The following PCDH15 variants were observed in gnomAD, a reference collection of about 807,000 sequenced individuals.
The protein encoded by PCDH15 is protocadherin related 15.
In PCDH15, 129 loss-of-function variants were observed where a neutral mutation model predicts 178.5. That is an observed-to-expected ratio of 0.72 (90% CI 0.63 to 0.84). The LOEUF (loss-of-function observed/expected upper bound fraction) is 0.84, where lower values mean the gene tolerates loss of function less well. PCDH15 is among the 40% of genes least tolerant of loss of function. PCDH15 has a pLI of 0.00. For missense variants in PCDH15, 2,230 were observed against 2,099.9 expected, an observed-to-expected ratio of 1.06 and a Z score of -1.21; for synonymous variants, 800 against 732.0, an observed-to-expected ratio of 1.09 and a Z score of -1.50.
At chr10:54,131,669 C>T (rs1347220852) in intron 15 of PCDH15, among the ~76,000 whole-genome samples, 1 of 152,108 alleles carries the variant, frequency 6.6e-6, no homozygotes, top group African/African-American at 2.4e-5. Flanking sequence ...AGAGTAGAGA[C>T]ACAAAGTAGT....
chr10:54,012,007 G>A (rs564319067), intron 20 of PCDH15, among the ~76,000 whole-genome samples: 2 of 152,260 alleles, frequency 1.3e-5, no homozygotes, highest in South Asian at 4.1e-4. Flanking sequence ...GAATCAGGGA[G>A]GAAGTCAAAA....
chr10:53,825,476 A>G, intron 32 of PCDH15, among the ~76,000 whole-genome samples: 1 of 151,806 alleles, frequency 6.6e-6, no homozygotes, highest in African/African-American at 2.4e-5. Flanking sequence ...GAGTTTAAAA[A>G]TTGCTTCTAT....
At chr10:54,514,659 A>T (rs1274248903) in intron 3 of PCDH15, among the ~76,000 whole-genome samples, 2 of 130,338 alleles carry the variant, frequency 1.5e-5, no homozygotes, top group Non-Finnish European at 3.2e-5. Flanking sequence ...GGGATTCAAA[A>T]TAGACTTCAA....
intron 9 of PCDH15, among the ~76,000 whole-genome samples, chr10:54,219,113 A>AC (rs1564710789): frequency 2.1e-4 from 31 of 149,008 alleles, no homozygotes; most frequent in African/African-American, 7.4e-4. Context: ...AAAAACAAAA[A>AC]AAAAACAAAA....
chr10:54,507,908 A>G (rs2081307291), intron 3 of PCDH15, among the ~76,000 whole-genome samples: 1 of 152,022 alleles, frequency 6.6e-6, no homozygotes, highest in Admixed American at 6.6e-5. Flanking sequence ...TAGCACAAAT[A>G]TTATGTTTAA....
chr10:54,577,592 G>A (rs887201085), intron 2 of PCDH15, among the ~76,000 whole-genome samples: 7 of 151,810 alleles, frequency 4.6e-5, no homozygotes, highest in Admixed American at 6.6e-5. Flanking sequence ...ATCACTCCAC[G>A]AAAATCCAGA....
At chr10:53,969,821 C>T (rs973927272) in intron 21 of PCDH15, among the ~76,000 whole-genome samples, 10 of 152,112 alleles carry the variant, frequency 6.6e-5, no homozygotes. Context: ...GATATTTTGT[C>T]ACCACCAGGC....
intron 2 of PCDH15, among the ~76,000 whole-genome samples, chr10:55,625,628 C>A (rs1196416318): frequency 6.6e-6 from 1 of 152,126 alleles, no homozygotes; most frequent in Non-Finnish European, 1.5e-5. Flanking sequence ...TCAATAGTTA[C>A]AAATGAGATC....
chr10:54,332,981 T>C (rs1325490587), intron 6 of PCDH15, among the ~76,000 whole-genome samples: 1 of 152,148 alleles, frequency 6.6e-6, no homozygotes, highest in Non-Finnish European at 1.5e-5. Flanking sequence ...TCTTGCTCTG[T>C]CATCCAGGCT....
chr10:53,818,433 A>AT (rs992259165), intron 33 of PCDH15: 5 of 153,190 alleles, frequency 3.3e-5, no homozygotes, highest in African/African-American at 9.6e-5. Context: ...TAAACATAGG[A>AT]TGAAAATTAT....
At chr10:54,216,663 G>A (rs1039467162) in intron 9 of PCDH15, among the ~76,000 whole-genome samples, 16 of 152,220 alleles carry the variant, frequency 1.1e-4, no homozygotes, top group Non-Finnish European at 1.9e-4. Context: ...TGGCGAGCCT[G>A]CAGGAAAACA....
intron 31 of PCDH15, among the ~76,000 whole-genome samples, chr10:53,828,230 A>G (rs1215998234): frequency 1.7e-4 from 25 of 150,814 alleles, no homozygotes; most frequent in East Asian, 7.8e-4. Context: ...AAAAAAAAAA[A>G]AAAAAAAAAA....
At chr10:55,597,265 C>T (rs1842955504) in intron 2 of PCDH15, 1 of 152,042 alleles carries the variant, frequency 6.6e-6, no homozygotes, top group Non-Finnish European at 1.5e-5. Flanking sequence ...CGTTCACGCA[C>T]ATACGTACGT....
intron 2 of PCDH15, among the ~76,000 whole-genome samples, chr10:54,934,931 G>C (rs1217071071): frequency 6.6e-6 from 1 of 152,084 alleles, no homozygotes; most frequent in Non-Finnish European, 1.5e-5. Flanking sequence ...CCTTTGAAGG[G>C]ACATGGATGA....
intron 25 of PCDH15, among the ~76,000 whole-genome samples, chr10:53,924,684 G>C (rs1387481065): frequency 1.3e-5 from 2 of 152,188 alleles, no homozygotes; most frequent in Non-Finnish European, 2.9e-5. Context: ...TTTAGCTAAG[G>C]GATTGTAAAT....
chr10:54,855,209 G>T (rs553408580), intron 3 of PCDH15, among the ~76,000 whole-genome samples: 1 of 152,192 alleles, frequency 6.6e-6, no homozygotes, highest in Non-Finnish European at 1.5e-5. Context: ...GCCTTCCCAG[G>T]CCTCTAAAGG....
At chr10:55,471,461 C>G (rs765166539) in intron 2 of PCDH15, among the ~76,000 whole-genome samples, 1 of 152,138 alleles carries the variant, frequency 6.6e-6, no homozygotes, top group Non-Finnish European at 1.5e-5. Flanking sequence ...AGGGACAGTT[C>G]ATGTTCACAT....
chr10:53,860,808 T>A lies in PCDH15; in HGVS notation c.3718-3545A>T, dbSNP rs528024262. The stretch of plus-strand genomic sequence containing the variant: ...GAGCTAACATTTAAGGTATCTAGAA[T>A]ATATCCATTTTAAGGTTACATTTTA... On this transcript the variant is annotated intron_variant, in intron 27 of 37. Transcript: ENST00000644397. 4.0e-5 allele frequency among the ~76,000 whole-genome samples: 6 copies of A among 151,474 alleles called. No homozygotes were observed. In the South Asian group the frequency reaches 1.3e-3, roughly 32 times the overall value.
chr10:55,400,592 T>C (rs974452327), intron 2 of PCDH15, among the ~76,000 whole-genome samples: 2 of 152,138 alleles, frequency 1.3e-5, no homozygotes, highest in African/African-American at 4.8e-5. Context: ...TGGTTATTCC[T>C]GAACAAGTGC....
Sources: allele counts gnomAD v4.1 joint callset (sites outside exome capture counted in the v4.1 genomes callset), GRCh38; gene constraint gnomAD v4.1.1; transcripts MANE v1.5; gene names NCBI Gene and HGNC (gene_info 2026-07-23, HGNC 2026-07-21).